Variants in NRCAM observed in about 807,000 individuals in gnomAD.
NRCAM encodes the protein NgCAM-related cell adhesion molecule.
A neutral mutation model predicts 156.5 loss-of-function variants in NRCAM; 83 were observed. The observed-to-expected ratio is 0.53, with a 90% confidence interval of 0.44 to 0.64. The LOEUF (loss-of-function observed/expected upper bound fraction) is 0.64. NRCAM is among the 30% of genes least tolerant of loss of function. NRCAM has a pLI of 0.00. For synonymous variants in NRCAM, 538 were observed against 563.9 expected (o/e 0.95, Z 0.65); for missense variants, 1,417 against 1,597.3 (o/e 0.89, Z 1.92).
At chr7:108,302,536 T>C (rs1371876646) in intron 3 of NRCAM, among the ~76,000 whole-genome samples, 1 of 152,200 alleles carries the variant, frequency 6.6e-6, no homozygotes, top group Non-Finnish European at 1.5e-5. Flanking sequence ...AATAAGATTG[T>C]ATTCACAGAA....
chr7:108,404,790 A>G (rs1275169892), intron 1 of NRCAM, among the ~76,000 whole-genome samples: 1 of 152,226 alleles, frequency 6.6e-6, no homozygotes, highest in African/African-American at 2.4e-5. Flanking sequence ...GGGGGCAGAA[A>G]GTGATAAACA....
chr7:108,154,666 T>G (rs78949758), intron 32 of NRCAM, among the ~76,000 whole-genome samples: 4,283 of 152,216 alleles, frequency 0.028, 141 homozygotes, highest in East Asian at 0.15. Flanking sequence ...TGAAGACCAG[T>G]CTTTAATAAG....
At chr7:108,430,166 C>T (rs1364588015) in intron 1 of NRCAM, among the ~76,000 whole-genome samples, 1 of 152,100 alleles carries the variant, frequency 6.6e-6, no homozygotes, top group East Asian at 1.9e-4. Context: ...GGTTTGTTTT[C>T]GTTTTTGGTA....
At chr7:108,349,192 T>C (rs1416872793) in intron 2 of NRCAM, among the ~76,000 whole-genome samples, 1 of 152,092 alleles carries the variant, frequency 6.6e-6, no homozygotes, top group African/African-American at 2.4e-5. Context: ...ATTACTGCTC[T>C]GAGCCTCTCA....
At chr7:108,154,646 T>C (rs1158648195) in intron 32 of NRCAM, among the ~76,000 whole-genome samples, 2 of 152,174 alleles carry the variant, frequency 1.3e-5, no homozygotes, top group African/African-American at 4.8e-5. Context: ...TCAAAGGCAG[T>C]GAGATCTTTT....
chr7:108,165,266 A>AG (rs2151721682), intron 30 of NRCAM, among the ~76,000 whole-genome samples: 1 of 152,240 alleles, frequency 6.6e-6, no homozygotes, highest in African/African-American at 2.4e-5. Context: ...TTTCTTCTGG[A>AG]GACGGAACGA....
chr7:108,316,800 A>G (rs958223392), intron 2 of NRCAM, among the ~76,000 whole-genome samples: 5 of 151,876 alleles, frequency 3.3e-5, no homozygotes, highest in Admixed American at 2.6e-4. Context: ...AAAAAAAAAA[A>G]AAAGAAACCT....
intron 1 of NRCAM, among the ~76,000 whole-genome samples, chr7:108,414,107 C>A (rs1798654350): frequency 6.6e-6 from 1 of 152,208 alleles, no homozygotes; most frequent in South Asian, 2.1e-4. Flanking sequence ...GTCATGGTAA[C>A]ATAATCTGAA....
At chr7:108,452,848 G>A (rs1852036950) in intron 1 of NRCAM, among the ~76,000 whole-genome samples, 1 of 152,052 alleles carries the variant, frequency 6.6e-6, no homozygotes, top group Non-Finnish European at 1.5e-5. Context: ...GATCTATGGT[G>A]AGAATATAAG....
At chr7:108,376,713 A>G (rs1308699240) in intron 2 of NRCAM, among the ~76,000 whole-genome samples, 1 of 152,210 alleles carries the variant, frequency 6.6e-6, no homozygotes, top group Non-Finnish European at 1.5e-5. Flanking sequence ...GTATGGGAAA[A>G]CTGGGGAAAA....
At chr7:108,361,470 T>C (rs976602455) in intron 2 of NRCAM, among the ~76,000 whole-genome samples, 3 of 152,200 alleles carry the variant, frequency 2.0e-5, no homozygotes, top group Non-Finnish European at 2.9e-5. Context: ...AAGGCCTGAA[T>C]TGAACAAAGA....
chr7:108,226,746 A>C (rs1311224024), intron 8 of NRCAM, among the ~76,000 whole-genome samples: 1 of 152,188 alleles, frequency 6.6e-6, no homozygotes, highest in East Asian at 1.9e-4. Context: ...ATATCTTAGA[A>C]AATCATTAAG....
chr7:108,413,677 GAC>G (rs1798089486), intron 1 of NRCAM, among the ~76,000 whole-genome samples: 2 of 152,090 alleles, frequency 1.3e-5, no homozygotes, highest in African/African-American at 2.4e-5. Flanking sequence ...AGTACAGTAA[GAC>G]AGGAATATAG....
intron 29 of NRCAM, among the ~76,000 whole-genome samples, chr7:108,167,379 CTG>C (rs1234739084): frequency 3.3e-5 from 5 of 152,170 alleles, no homozygotes; most frequent in African/African-American, 1.2e-4. Flanking sequence ...CCTTATGAAA[CTG>C]TTGAGTTTCT....
intron 3 of NRCAM, among the ~76,000 whole-genome samples, chr7:108,260,968 G>A (rs1221469464): frequency 6.6e-6 from 1 of 152,148 alleles, no homozygotes; most frequent in Non-Finnish European, 1.5e-5. Context: ...CTGGTTGATT[G>A]CATAGAGGCA....
intron 1 of NRCAM, among the ~76,000 whole-genome samples, chr7:108,409,171 A>C (rs1001781725): frequency 1.3e-5 from 2 of 152,204 alleles, no homozygotes; most frequent in African/African-American, 2.4e-5. Flanking sequence ...ACGCGTGCAG[A>C]GCATTAAGAG....
intron 3 of NRCAM, among the ~76,000 whole-genome samples, chr7:108,244,797 A>C (rs1052772192): frequency 1.3e-5 from 2 of 152,216 alleles, no homozygotes; most frequent in African/African-American, 4.8e-5. Context: ...CTAGTACCTA[A>C]GGAATGGTGA....
intron 3 of NRCAM, among the ~76,000 whole-genome samples, chr7:108,299,717 G>A (rs1779595275): frequency 6.6e-6 from 1 of 152,130 alleles, no homozygotes; most frequent in South Asian, 2.1e-4. Flanking sequence ...GACCTTATTT[G>A]TCATGTACAT....
At chr7:108,169,769 C>T in intron 28 of NRCAM, among the ~76,000 whole-genome samples, 1 of 152,238 alleles carries the variant, frequency 6.6e-6, no homozygotes, top group Admixed American at 6.5e-5. Flanking sequence ...AATATGCACA[C>T]ATGTGTAAAA....
Sources: gnomAD v4.1 joint callset for allele counts (sites outside exome capture counted in the v4.1 genomes callset) on GRCh38, gnomAD v4.1.1 for gene constraint, MANE v1.5 for transcripts, NCBI Gene and HGNC (gene_info 2026-07-23, HGNC 2026-07-21) for gene names.